WWOX: variants seen among roughly 807,000 people sequenced by gnomAD.
WWOX encodes the protein WW domain-containing oxidoreductase.
A neutral mutation model predicts 46.2 loss-of-function variants in WWOX; 69 were observed. The observed-to-expected ratio is 1.49, with a 90% CI of 1.23 to 1.82. The LOEUF (loss-of-function observed/expected upper bound fraction) is 1.82. WWOX is among the 40% of genes most tolerant of loss of function. The pLI, the probability that WWOX is intolerant of heterozygous loss-of-function variation, is 0.00. For synonymous variants in WWOX, 359 were observed against 202.6 expected (o/e 1.77, Z -6.56); for missense variants, 919 against 542.6 (o/e 1.69, Z -6.89).
intron 6 of WWOX, among the ~76,000 whole-genome samples, chr16:78,410,947 A>G (rs1256386503): frequency 6.6e-6 from 1 of 152,090 alleles, no homozygotes; most frequent in Non-Finnish European, 1.5e-5. Flanking sequence ...ATTCCTGACT[A>G]TTGACCAGAG....
chr16:78,323,380 C>A (rs1349381831), intron 5 of WWOX, among the ~76,000 whole-genome samples: 1 of 152,216 alleles, frequency 6.6e-6, no homozygotes, highest in Non-Finnish European at 1.5e-5. Context: ...GCTGGGATTA[C>A]AGGCGTGAGC....
chr16:78,409,120 A>G (rs115464585), intron 6 of WWOX, among the ~76,000 whole-genome samples: 267 of 152,004 alleles, frequency 1.8e-3, no homozygotes, highest in Middle Eastern at 6.8e-3. Context: ...TAGATTATTC[A>G]CAGATGTATA....
At chr16:78,699,662 G>C (rs959066772) in intron 8 of WWOX, among the ~76,000 whole-genome samples, 2 of 152,172 alleles carry the variant, frequency 1.3e-5, no homozygotes, top group Admixed American at 6.5e-5. Context: ...TTTTAAAAAG[G>C]AGAGTCAGCT....
At chr16:78,540,230 A>G (rs987719054) in intron 8 of WWOX, among the ~76,000 whole-genome samples, 3 of 151,258 alleles carry the variant, frequency 2.0e-5, no homozygotes, top group South Asian at 2.1e-4. Context: ...TCCTGCAGCA[A>G]GGAGCAACAG....
At chr16:78,897,631 A>T (rs1567634336) in intron 8 of WWOX, 1 of 152,190 alleles carries the variant, frequency 6.6e-6, no homozygotes, top group Non-Finnish European at 1.5e-5. Flanking sequence ...GCTACCACGA[A>T]TATTCATAAA....
chr16:78,516,188 G>A (rs1300355344), intron 8 of WWOX, among the ~76,000 whole-genome samples: 3 of 152,106 alleles, frequency 2.0e-5, no homozygotes, highest in African/African-American at 2.4e-5. Context: ...AGCTGACAGC[G>A]CCCCGGGAGT....
intron 8 of WWOX, among the ~76,000 whole-genome samples, chr16:79,003,877 C>T (rs1043871132): frequency 6.6e-6 from 1 of 152,176 alleles, no homozygotes; most frequent in African/African-American, 2.4e-5. Context: ...GGAAGGGACA[C>T]AGACTCCACC....
intron 8 of WWOX, among the ~76,000 whole-genome samples, chr16:78,592,895 G>A (rs1026998733): frequency 6.6e-6 from 1 of 152,138 alleles, no homozygotes; most frequent in Non-Finnish European, 1.5e-5. Flanking sequence ...ACGAAAAGGT[G>A]GAGAGGGAAC....
intron 8 of WWOX, among the ~76,000 whole-genome samples, chr16:79,171,241 T>A (rs2050694084): frequency 6.6e-6 from 1 of 152,172 alleles, no homozygotes; most frequent in Admixed American, 6.5e-5. Flanking sequence ...TAGGGGTTGC[T>A]CAGAGGAGGA....
intron 8 of WWOX, among the ~76,000 whole-genome samples, chr16:78,712,444 G>A (rs1322960798): frequency 6.6e-6 from 1 of 151,874 alleles, no homozygotes; most frequent in African/African-American, 2.4e-5. Context: ...GGAGGTTGCA[G>A]TCAGCCGAGA....
intron 8 of WWOX, among the ~76,000 whole-genome samples, chr16:78,760,086 A>G (rs918905795): frequency 3.3e-5 from 5 of 152,188 alleles, no homozygotes; most frequent in Admixed American, 2.6e-4. Context: ...TTTATCAACA[A>G]AAAGAGATTT....
chr16:78,331,595 C>T (rs1427915954), intron 5 of WWOX, among the ~76,000 whole-genome samples: 8 of 152,178 alleles, frequency 5.3e-5, no homozygotes, highest in Non-Finnish European at 1.2e-4. Flanking sequence ...GCCCTGTAAC[C>T]ACCCTTGTGT....
chr16:78,978,147 C>G (rs2046609934), intron 8 of WWOX, among the ~76,000 whole-genome samples: 1 of 152,112 alleles, frequency 6.6e-6, no homozygotes, highest in East Asian at 1.9e-4. Context: ...CAAGGTTGAC[C>G]CACATTGTGG....
intron 4 of WWOX, among the ~76,000 whole-genome samples, chr16:78,163,449 C>CT (rs754325720): frequency 3.9e-5 from 6 of 152,282 alleles, no homozygotes; most frequent in Non-Finnish European, 8.8e-5. Context: ...AAATTTATGT[C>CT]TTTTTCCTTG....
intron 6 of WWOX, among the ~76,000 whole-genome samples, chr16:78,397,990 G>A (rs1251882980): frequency 1.3e-5 from 2 of 152,246 alleles, no homozygotes; most frequent in Non-Finnish European, 2.9e-5. Flanking sequence ...TGAAGCGGCA[G>A]CTGTTGACTG....
chr16:78,663,116 C>T (rs2047255083), intron 8 of WWOX, among the ~76,000 whole-genome samples: 1 of 152,080 alleles, frequency 6.6e-6, no homozygotes, highest in Non-Finnish European at 1.5e-5. Context: ...ACATTTTTAT[C>T]ACCCCTAAAA....
At chr16:78,334,671 G>T (rs577189600) in intron 5 of WWOX, among the ~76,000 whole-genome samples, 3 of 151,958 alleles carry the variant, frequency 2.0e-5, no homozygotes, top group Non-Finnish European at 4.4e-5. Flanking sequence ...AAATGACCCA[G>T]TTTCCACAGA....
At chr16:78,376,788 G>T (rs2081839013) in intron 5 of WWOX, among the ~76,000 whole-genome samples, 2 of 152,124 alleles carry the variant, frequency 1.3e-5, no homozygotes, top group African/African-American at 4.8e-5. Flanking sequence ...GAGAATCAGA[G>T]CAGACTCTGC....
Position 78,126,244 on chromosome 16 carries a change from T to G in WWOX, c.409+11090T>G, listed in dbSNP as rs574714235. ...AAATGTTTGTACCCATCCGTGACTC[T>G]TCTATAGTTTTATTTTGTGGAAGTG... On this transcript the variant is annotated intron_variant, in intron 4 of 8. Transcript: ENST00000566780. 7.2e-5 allele frequency among the ~76,000 whole-genome samples: 11 copies of G among 152,294 alleles called. No individual in the cohort carries two copies. In the East Asian group the frequency reaches 2.1e-3, roughly 29 times the overall value.
Sources: gnomAD v4.1 joint callset for allele counts (sites outside exome capture counted in the v4.1 genomes callset) on GRCh38, gnomAD v4.1.1 for gene constraint, MANE v1.5 for transcripts, NCBI Gene and HGNC (gene_info 2026-07-23, HGNC 2026-07-21) for gene names.